DLG2: variants seen among roughly 807,000 people sequenced by gnomAD.
DLG2 encodes discs large MAGUK scaffold protein 2, also known as disks large homolog 2.
In DLG2, 45 loss-of-function variants were observed where a neutral mutation model predicts 132.5. The observed-to-expected ratio is 0.34, with a 90% CI of 0.27 to 0.44. DLG2 has a LOEUF of 0.44. Ranked by LOEUF, DLG2 falls within the 20% of genes least tolerant of loss-of-function variation. The pLI, the probability that DLG2 is intolerant of heterozygous loss-of-function variation, is 1.00. For missense variants in DLG2, 1,045 were observed against 1,196.9 expected, an observed-to-expected ratio of 0.87 and a Z score of 1.87; for synonymous variants, 424 against 419.6, an observed-to-expected ratio of 1.01 and a Z score of -0.13.
intron 6 of DLG2, among the ~76,000 whole-genome samples, chr11:84,943,100 C>T (rs1457040958): frequency 6.6e-6 from 1 of 150,612 alleles, no homozygotes; most frequent in Non-Finnish European, 1.5e-5. Flanking sequence ...TCTTTCAATC[C>T]ATGTGTGTTT....
chr11:83,962,199 T>TA (rs1406692456), intron 14 of DLG2, among the ~76,000 whole-genome samples: 1 of 152,080 alleles, frequency 6.6e-6, no homozygotes, highest in African/African-American at 2.4e-5. Flanking sequence ...TCATTTTTGA[T>TA]AAAAGTATTG....
chr11:85,101,094 C>A (rs1180309962), intron 6 of DLG2, among the ~76,000 whole-genome samples: 2 of 152,024 alleles, frequency 1.3e-5, no homozygotes, highest in Non-Finnish European at 2.9e-5. Flanking sequence ...GCCCCAGAAC[C>A]AAATTATATC....
At chr11:85,556,637 C>T (rs2076955870) in intron 3 of DLG2, among the ~76,000 whole-genome samples, 1 of 151,722 alleles carries the variant, frequency 6.6e-6, no homozygotes, top group Admixed American at 6.6e-5. Context: ...GATCATTTTC[C>T]TAAAATCCAA....
At chr11:85,468,185 A>G (rs1348167241) in intron 3 of DLG2, among the ~76,000 whole-genome samples, 1 of 150,474 alleles carries the variant, frequency 6.6e-6, no homozygotes, top group Non-Finnish European at 1.5e-5. Flanking sequence ...TTTTGCATCT[A>G]TTTGATTCTT....
intron 21 of DLG2, chr11:83,486,202 C>T: frequency 2.9e-6 from 2 of 689,334 alleles, no homozygotes; most frequent in East Asian, 2.7e-5. Flanking sequence ...TCTTGCATCA[C>T]TCCAGTTTCA....
chr11:84,398,499 T>G (rs1336960506), intron 7 of DLG2, among the ~76,000 whole-genome samples: 1 of 152,208 alleles, frequency 6.6e-6, no homozygotes, highest in Non-Finnish European at 1.5e-5. Flanking sequence ...CTGGGTACCT[T>G]ATAAGAATGA....
At chr11:84,897,920 G>GA (rs1198556940) in intron 6 of DLG2, among the ~76,000 whole-genome samples, 4 of 151,662 alleles carry the variant, frequency 2.6e-5, no homozygotes, top group African/African-American at 9.7e-5. Flanking sequence ...ATTATTGTTG[G>GA]AAAAATACAT....
chr11:85,309,788 C>T (rs2080198941), intron 3 of DLG2, among the ~76,000 whole-genome samples: 2 of 152,162 alleles, frequency 1.3e-5, no homozygotes, highest in Non-Finnish European at 1.5e-5. Context: ...TAACTCACCT[C>T]TAGTATCATC....
At chr11:85,081,971 C>T (rs2067287726) in intron 6 of DLG2, among the ~76,000 whole-genome samples, 1 of 152,134 alleles carries the variant, frequency 6.6e-6, no homozygotes, top group African/African-American at 2.4e-5. Flanking sequence ...TTTCCCCACA[C>T]AGGCTACTGG....
At chr11:84,169,412 T>G (rs1357784225) in intron 8 of DLG2, among the ~76,000 whole-genome samples, 1 of 152,204 alleles carries the variant, frequency 6.6e-6, no homozygotes, top group East Asian at 1.9e-4. Flanking sequence ...GTTTGCTAAT[T>G]TCTCCAGTAA....
intron 7 of DLG2, among the ~76,000 whole-genome samples, chr11:84,463,437 T>TG (rs2099085652): frequency 6.6e-6 from 1 of 151,146 alleles, no homozygotes; most frequent in African/African-American, 2.4e-5. Flanking sequence ...TGGTCATATC[T>TG]GAGCCCTCTG....
chr11:83,949,164 T>G (rs2084793546), intron 14 of DLG2, among the ~76,000 whole-genome samples: 1 of 152,160 alleles, frequency 6.6e-6, no homozygotes, highest in Non-Finnish European at 1.5e-5. Flanking sequence ...TTTTCTCTAA[T>G]GGGTTTAAAA....
intron 18 of DLG2, among the ~76,000 whole-genome samples, chr11:83,691,513 G>C (rs560584176): frequency 6.6e-6 from 1 of 152,262 alleles, no homozygotes; most frequent in South Asian, 2.1e-4. Context: ...AGCTGAAAGT[G>C]ATGAAAAGGA....
At chr11:84,596,012 C>T (rs1593252969) in intron 6 of DLG2, among the ~76,000 whole-genome samples, 1 of 152,134 alleles carries the variant, frequency 6.6e-6, no homozygotes, top group East Asian at 1.9e-4. Context: ...ATAGGAGCCA[C>T]TCTGAAGAAT....
At chr11:85,000,426 A>C (rs1399235297) in intron 6 of DLG2, among the ~76,000 whole-genome samples, 1 of 152,164 alleles carries the variant, frequency 6.6e-6, no homozygotes, top group Non-Finnish European at 1.5e-5. Context: ...TATTTTTTTA[A>C]ATCCTAGCCT....
rs532196771 is a variant in DLG2, at chr11:85,164,402, A to T, written c.187-9751T>A. Reference sequence around the variant, plus strand: ...TTACAACCTTCCTACCTCATACCAGATGTTGTCCCATATATACATACATAC... The same window carrying T: ...TTACAACCTTCCTACCTCATACCAGTTGTTGTCCCATATATACATACATAC... On this transcript the variant is annotated intron_variant, in intron 4 of 27. Coordinates refer to ENST00000376104, the MANE Select transcript of DLG2 (RefSeq NM_001142699.3). Among the ~76,000 whole-genome samples, 241 of 152,232 alleles carry T rather than the reference A, an allele frequency of 1.6e-3. 3 individuals are homozygous for T. The highest frequency in any genetic ancestry group is 1.8e-3 in the Admixed American group (28 of 15,288).
chr11:84,235,598 G>C (rs887438324), intron 8 of DLG2, among the ~76,000 whole-genome samples: 5 of 151,866 alleles, frequency 3.3e-5, no homozygotes, highest in Non-Finnish European at 7.4e-5. Context: ...ATGTATACTC[G>C]CAAATTTCCT....
intron 7 of DLG2, among the ~76,000 whole-genome samples, chr11:84,481,191 T>C (rs573176783): frequency 6.6e-6 from 1 of 152,356 alleles, no homozygotes; most frequent in East Asian, 1.9e-4. Context: ...GTCTATCATA[T>C]GGATGTTTAC....
chr11:85,498,284 T>G (rs1016924652), intron 3 of DLG2, among the ~76,000 whole-genome samples: 2 of 152,094 alleles, frequency 1.3e-5, no homozygotes, highest in African/African-American at 4.8e-5. Context: ...GAAATCCTAG[T>G]CTCTGATAAA....
Sources: allele counts gnomAD v4.1 joint callset (sites outside exome capture counted in the v4.1 genomes callset), GRCh38; gene constraint gnomAD v4.1.1; transcripts MANE v1.5; gene names NCBI Gene and HGNC (gene_info 2026-07-23, HGNC 2026-07-21).